Variants in CTNNA3 observed in about 807,000 individuals in gnomAD.
The protein encoded by CTNNA3 is catenin alpha 3, also known as catenin alpha-3.
CTNNA3 carries 76 observed loss-of-function variants against 95.7 expected under a neutral mutation model. The ratio of observed to expected loss-of-function variants is 0.79; its 90% CI spans 0.66 to 0.96. The LOEUF (loss-of-function observed/expected upper bound fraction) is 0.96, where lower values mean the gene tolerates loss of function less well. Ranked by LOEUF, CTNNA3 falls within the 40% of genes least tolerant of loss-of-function variation. The pLI is 0.00. For missense variants in CTNNA3, 1,191 were observed against 1,089.8 expected (o/e 1.09, Z -1.31); for synonymous variants, 431 against 374.4 (o/e 1.15, Z -1.74).
intron 5 of CTNNA3, among the ~76,000 whole-genome samples, chr10:67,452,385 T>C (rs1162460769): frequency 2.0e-5 from 3 of 152,226 alleles, no homozygotes; most frequent in Non-Finnish European, 4.4e-5. Context: ...TATATTAGTT[T>C]ATCTTACTAC....
At chr10:66,737,900 G>A (rs983546754) in intron 9 of CTNNA3, among the ~76,000 whole-genome samples, 3 of 152,026 alleles carry the variant, frequency 2.0e-5, no homozygotes, top group Non-Finnish European at 2.9e-5. Context: ...CTTGTGATCT[G>A]CCCGCCTTGG....
chr10:66,374,341 G>A (rs991907698), intron 12 of CTNNA3, among the ~76,000 whole-genome samples: 2 of 152,144 alleles, frequency 1.3e-5, no homozygotes, highest in African/African-American at 4.8e-5. Context: ...AAGCTCCTTT[G>A]CAAAGGTGGT....
intron 7 of CTNNA3, among the ~76,000 whole-genome samples, chr10:66,934,836 T>C (rs1342935572): frequency 6.6e-6 from 1 of 152,138 alleles, no homozygotes; most frequent in East Asian, 1.9e-4. Flanking sequence ...TTTCATCACA[T>C]CAATTACATC....
At chr10:67,373,011 A>G (rs1172794584) in intron 5 of CTNNA3, among the ~76,000 whole-genome samples, 39 of 152,210 alleles carry the variant, frequency 2.6e-4, no homozygotes, top group Admixed American at 6.5e-4. Flanking sequence ...GGTACCAGCC[A>G]CTGCAAAAAC....
intron 3 of CTNNA3, among the ~76,000 whole-genome samples, chr10:67,555,592 G>A (rs1841211664): frequency 6.6e-6 from 1 of 152,166 alleles, no homozygotes; most frequent in African/African-American, 2.4e-5. Flanking sequence ...TGTGATTTTT[G>A]TACATTGATT....
At chr10:67,449,452 C>A (rs546840387) in intron 5 of CTNNA3, among the ~76,000 whole-genome samples, 4 of 152,086 alleles carry the variant, frequency 2.6e-5, no homozygotes, top group Non-Finnish European at 4.4e-5. Context: ...GCTATAGTAA[C>A]AAAACAGCAT....
At chr10:66,961,954 A>C (rs1392750332) in intron 7 of CTNNA3, among the ~76,000 whole-genome samples, 1 of 152,038 alleles carries the variant, frequency 6.6e-6, no homozygotes, top group Non-Finnish European at 1.5e-5. Context: ...CTCATCACTA[A>C]ATTCTATGAT....
At chr10:67,387,349 A>G (rs1170175695) in intron 5 of CTNNA3, among the ~76,000 whole-genome samples, 2 of 152,136 alleles carry the variant, frequency 1.3e-5, no homozygotes, top group Non-Finnish European at 2.9e-5. Context: ...CGCTTTTCCT[A>G]GGGGCTTAAA....
intron 11 of CTNNA3, among the ~76,000 whole-genome samples, chr10:66,453,234 A>AC (rs958120807): frequency 1.3e-5 from 2 of 151,930 alleles, no homozygotes; most frequent in African/African-American, 4.8e-5. Flanking sequence ...AAAAAAAAAA[A>AC]AACTGAGCCT....
intron 7 of CTNNA3, among the ~76,000 whole-genome samples, chr10:67,158,907 G>A (rs1861419485): frequency 6.6e-6 from 1 of 151,694 alleles, no homozygotes; most frequent in Non-Finnish European, 1.5e-5. Context: ...CTCAAAGGGG[G>A]GAAAGGAGGG....
chr10:66,229,219 T>G (rs2089467180), intron 13 of CTNNA3, among the ~76,000 whole-genome samples: 1 of 152,224 alleles, frequency 6.6e-6, no homozygotes, highest in African/African-American at 2.4e-5. Context: ...TTTTCTTCTC[T>G]GCCTCTTATT....
intron 7 of CTNNA3, among the ~76,000 whole-genome samples, chr10:66,837,967 C>G (rs1305729947): frequency 7.9e-5 from 12 of 152,104 alleles, no homozygotes; most frequent in Non-Finnish European, 1.8e-4. Flanking sequence ...TCCTTTCTCT[C>G]ATTTCAAACC....
chr10:66,028,685 G>A (rs35716649), intron 15 of CTNNA3, among the ~76,000 whole-genome samples: 16,253 of 151,816 alleles, frequency 0.11, 1,039 homozygotes, highest in Non-Finnish European at 0.15. Context: ...CATGGCACAT[G>A]TATACATATG....
At chr10:67,016,141 C>T (rs1297349915) in intron 7 of CTNNA3, among the ~76,000 whole-genome samples, 1 of 152,078 alleles carries the variant, frequency 6.6e-6, no homozygotes, top group Non-Finnish European at 1.5e-5. Context: ...ATGTGTGAAA[C>T]AGAAAATGGT....
intron 7 of CTNNA3, chr10:66,928,501 G>A (rs766296483): frequency 3.3e-6 from 5 of 1,512,766 alleles, no homozygotes; most frequent in Non-Finnish European, 4.4e-6. Flanking sequence ...GGAAATAAGT[G>A]GTGCTTTATT....
intron 3 of CTNNA3, among the ~76,000 whole-genome samples, chr10:67,601,315 C>T (rs1843076802): frequency 6.6e-6 from 1 of 152,066 alleles, no homozygotes; most frequent in African/African-American, 2.4e-5. Context: ...AGGATGAAAC[C>T]ATTCCACTTC....
chr10:67,466,635 G>A (rs1269270112), intron 5 of CTNNA3, among the ~76,000 whole-genome samples: 2 of 152,176 alleles, frequency 1.3e-5, no homozygotes, highest in Non-Finnish European at 2.9e-5. Context: ...TCCAAAGCGG[G>A]ACAAAATGAG....
intron 7 of CTNNA3, among the ~76,000 whole-genome samples, chr10:66,886,436 T>A (rs1159389297): frequency 6.6e-6 from 1 of 152,134 alleles, no homozygotes; most frequent in African/African-American, 2.4e-5. Context: ...ACATCCCTGA[T>A]ACTGGGACCC....
At chr10:66,733,530 A>G (rs999025374) in intron 9 of CTNNA3, among the ~76,000 whole-genome samples, 151 of 151,802 alleles carry the variant, frequency 9.9e-4, no homozygotes, top group Non-Finnish European at 6.9e-4. Context: ...GAACACACAC[A>G]AATATATATG....
Sources: allele counts gnomAD v4.1 joint callset (sites outside exome capture counted in the v4.1 genomes callset), GRCh38; gene constraint gnomAD v4.1.1; transcripts MANE v1.5; gene names NCBI Gene and HGNC (gene_info 2026-07-23, HGNC 2026-07-21).